The following TRHDE variants were observed in gnomAD, a reference collection of about 807,000 sequenced individuals.
TRHDE encodes thyrotropin-releasing hormone-degrading ectoenzyme.
TRHDE carries 72 observed loss-of-function variants against 125.7 expected under a neutral mutation model. The ratio of observed to expected loss-of-function variants is 0.57; its 90% CI spans 0.47 to 0.70. The LOEUF (loss-of-function observed/expected upper bound fraction) is 0.70. TRHDE is among the 30% of genes least tolerant of loss of function. The pLI, the probability that TRHDE is intolerant of heterozygous loss-of-function variation, is 0.00. For missense variants in TRHDE, 1,110 were observed against 1,327.1 expected (o/e 0.84, Z 2.54); for synonymous variants, 509 against 509.1 (o/e 1.00, Z 0.00).
At chr12:72,399,999 A>G (rs533377276) in intron 3 of TRHDE, among the ~76,000 whole-genome samples, 42 of 152,162 alleles carry the variant, frequency 2.8e-4, no homozygotes, top group Admixed American at 4.6e-4. Flanking sequence ...TTGGGCAAAA[A>G]TCTCTCTGGA....
At chr12:72,358,812 G>C (rs1870936788) in intron 2 of TRHDE, among the ~76,000 whole-genome samples, 1 of 151,502 alleles carries the variant, frequency 6.6e-6, no homozygotes, top group Admixed American at 6.6e-5. Flanking sequence ...TGTAATTGCA[G>C]GTAAGGGAGA....
At chr12:72,189,315 G>A (rs1040286144) in intron 2 of TRHDE, among the ~76,000 whole-genome samples, 3 of 152,146 alleles carry the variant, frequency 2.0e-5, no homozygotes, top group Non-Finnish European at 4.4e-5. Context: ...AGGTAAATGG[G>A]TATTCTGAGG....
intron 2 of TRHDE, among the ~76,000 whole-genome samples, chr12:72,247,472 T>C (rs1555170699): frequency 6.6e-6 from 1 of 152,094 alleles, no homozygotes; most frequent in Non-Finnish European, 1.5e-5. Context: ...GAACAATGGC[T>C]CTCCATCTGT....
chr12:72,176,913 A>G (rs1877000749), intron 2 of TRHDE, among the ~76,000 whole-genome samples: 1 of 152,352 alleles, frequency 6.6e-6, no homozygotes, highest in South Asian at 2.1e-4. Context: ...AAAGCATGCA[A>G]GAAGAACAAG....
intron 15 of TRHDE, among the ~76,000 whole-genome samples, chr12:72,640,572 C>T (rs1447417235): frequency 6.6e-6 from 1 of 151,780 alleles, no homozygotes; most frequent in East Asian, 1.9e-4. Flanking sequence ...AGCTTCTTAG[C>T]ATCAGAAAAT....
intron 3 of TRHDE, among the ~76,000 whole-genome samples, chr12:72,460,390 T>C (rs543185823): frequency 2.0e-5 from 3 of 152,188 alleles, no homozygotes; most frequent in Non-Finnish European, 4.4e-5. Context: ...TTGTAGCATA[T>C]GCACTGCATT....
In TRHDE at chr12:72,479,461, C is replaced by T. The variant is rs183103590; in HGVS notation, c.1584+6281C>T. On this transcript the variant is annotated intron_variant, in intron 5 of 18. Coordinates refer to ENST00000261180, the MANE Select transcript of TRHDE (RefSeq NM_013381.3). ...ATATCTTTAGAAAAGGAAGATAAAACAAGCATAATTCATTAGTATTCGTGT... is the reference window on the plus strand; with the variant it reads ...ATATCTTTAGAAAAGGAAGATAAAATAAGCATAATTCATTAGTATTCGTGT... Among the ~76,000 whole-genome samples the T allele has an allele frequency of 1.1e-3, 164 of 152,054 alleles. 1 individual carries two copies. The highest frequency in any genetic ancestry group is 3.2e-3 in the African/African-American group (132 of 41,544).
intron 2 of TRHDE, among the ~76,000 whole-genome samples, chr12:72,118,749 T>G (rs1875506666): frequency 6.6e-6 from 1 of 152,102 alleles, no homozygotes; most frequent in African/African-American, 2.4e-5. Context: ...TCTGTTCAGG[T>G]TTTGGATTTT....
intron 2 of TRHDE, chr12:72,253,479 C>T (rs1878733962): frequency 6.6e-6 from 1 of 152,034 alleles, no homozygotes; most frequent in African/African-American, 2.4e-5. Flanking sequence ...AGCATTCTGT[C>T]TTTCAGCATT....
intron 2 of TRHDE, among the ~76,000 whole-genome samples, chr12:72,208,195 C>A (rs1877706767): frequency 6.6e-6 from 1 of 152,174 alleles, no homozygotes; most frequent in Admixed American, 6.5e-5. Context: ...TTTATACACA[C>A]ACTCACACAC....
chr12:72,657,393 T>C (rs1874748472), intron 18 of TRHDE, among the ~76,000 whole-genome samples: 1 of 152,154 alleles, frequency 6.6e-6, no homozygotes, highest in African/African-American at 2.4e-5. Flanking sequence ...TGTTGAGATA[T>C]AGACCATGTG....
chr12:72,269,323 T>A (rs1029339601), upstream of TRHDE, among the ~76,000 whole-genome samples: 3 of 152,290 alleles, frequency 2.0e-5, no homozygotes, highest in South Asian at 2.1e-4. Context: ...AGTTTTATTA[T>A]GCAAAGTTAC....
chr12:72,175,893 G>C (rs1876977642), intron 2 of TRHDE, among the ~76,000 whole-genome samples: 1 of 152,212 alleles, frequency 6.6e-6, no homozygotes, highest in Non-Finnish European at 1.5e-5. Context: ...TTGCAGGCTG[G>C]GATCTCTGGA....
At chr12:72,541,269 C>A (rs1869134805) in intron 6 of TRHDE, among the ~76,000 whole-genome samples, 1 of 151,504 alleles carries the variant, frequency 6.6e-6, no homozygotes, top group African/African-American at 2.4e-5. Context: ...ATCCACTGCT[C>A]CATACCAATT....
rs181085389 is a variant in TRHDE at position 72,173,785 on chromosome 12, G to A, written n.279+68033G>A. Among the ~76,000 whole-genome samples, 742 of 152,050 alleles carry A rather than the reference G, an allele frequency of 4.9e-3. 7 individuals are homozygous for A. Among genetic ancestry groups the A allele is most frequent in the African/African-American group, 0.017 (685 of 41,476 alleles). On this transcript the variant is annotated intron_variant and non_coding_transcript_variant, in intron 2 of 4. Coordinates refer to the TRHDE transcript ENST00000548156. ...TTTCTTCCTCTCTCTTGCTCTGCGC[G>A]CGCACACACACACACACATTAATTT...
chr12:72,563,575 C>G (rs752511762), intron 9 of TRHDE, among the ~76,000 whole-genome samples: 1 of 152,114 alleles, frequency 6.6e-6, no homozygotes, highest in African/African-American at 2.4e-5. Context: ...AATCAATAAA[C>G]AGACAGCATA....
At chr12:72,225,465 A>G (rs1878111083) in intron 2 of TRHDE, among the ~76,000 whole-genome samples, 4 of 152,194 alleles carry the variant, frequency 2.6e-5, no homozygotes, top group Admixed American at 2.6e-4. Context: ...GTGGAAAGAC[A>G]GAAGAAAGCC....
intron 3 of TRHDE, among the ~76,000 whole-genome samples, chr12:72,463,007 A>T (rs1876199589): frequency 6.6e-6 from 1 of 152,212 alleles, no homozygotes; most frequent in Non-Finnish European, 1.5e-5. Flanking sequence ...AACCAGAAAG[A>T]ACAAATTTAT....
chr12:72,310,562 A>G (rs1441022013), intron 2 of TRHDE, among the ~76,000 whole-genome samples: 1 of 151,872 alleles, frequency 6.6e-6, no homozygotes, highest in Non-Finnish European at 1.5e-5. Flanking sequence ...GCTATGAAAT[A>G]TGAAATGTTC....
Sources: allele counts gnomAD v4.1 joint callset (sites outside exome capture counted in the v4.1 genomes callset), GRCh38; gene constraint gnomAD v4.1.1; transcripts MANE v1.5; gene names NCBI Gene and HGNC (gene_info 2026-07-23, HGNC 2026-07-21).